Variants in CFAP77 observed in about 807,000 individuals in gnomAD.
CFAP77 encodes cilia- and flagella-associated protein 77.
A neutral mutation model predicts 31.1 loss-of-function variants in CFAP77; 25 were observed. The ratio of observed to expected loss-of-function variants is 0.80; its 90% CI spans 0.59 to 1.12. The LOEUF is 1.12. CFAP77 is among the 50% of genes most tolerant of loss of function. The pLI is 0.00. For synonymous variants in CFAP77, 151 were observed against 159.9 expected (o/e 0.94, Z 0.42); for missense variants, 377 against 397.3 (o/e 0.95, Z 0.44).
intron 1 of CFAP77, among the ~76,000 whole-genome samples, chr9:132,466,123 G>C (rs887128883): frequency 2.0e-5 from 3 of 152,124 alleles, no homozygotes; most frequent in African/African-American, 7.2e-5. Context: ...GTCTTGCTCT[G>C]TTGCCCAGGC....
chr9:132,434,664 C>A (rs868784320), intron 1 of CFAP77, among the ~76,000 whole-genome samples: 8 of 152,082 alleles, frequency 5.3e-5, no homozygotes, highest in African/African-American at 1.9e-4. Context: ...GTGCGTACAA[C>A]TTTGTGTAAT....
intron 5 of CFAP77, among the ~76,000 whole-genome samples, chr9:132,563,784 G>A (rs1423315040): frequency 3.3e-5 from 5 of 152,154 alleles, no homozygotes; most frequent in East Asian, 1.9e-4. Context: ...ACTCCTTCCC[G>A]TTATTACCAA....
chr9:132,428,513 G>C (rs1006546026), intron 1 of CFAP77, among the ~76,000 whole-genome samples: 1 of 152,176 alleles, frequency 6.6e-6, no homozygotes, highest in South Asian at 2.1e-4. Context: ...TACTTGGGAG[G>C]CTGAGACAGG....
chr9:132,535,869 C>CA (rs1215459957), intron 3 of CFAP77, among the ~76,000 whole-genome samples: 1 of 151,882 alleles, frequency 6.6e-6, no homozygotes. Flanking sequence ...TCATAATTAG[C>CA]AAAAAAACCA....
chr9:132,546,272 G>A (rs180867132), intron 5 of CFAP77, among the ~76,000 whole-genome samples: 255 of 152,270 alleles, frequency 1.7e-3, no homozygotes, highest in Admixed American at 2.9e-3. Context: ...CGGGCGGGTG[G>A]CCAGGGCCAC....
At position 132,482,559 on chromosome 9, in the gene CFAP77, G is replaced by A. The variant is rs1482559461; in HGVS notation, c.196-16136G>A. 6 of 675,670 alleles carry A rather than the reference G, an allele frequency of 8.9e-6. No homozygotes were observed. The East Asian group carries it at 1.1e-4, about 12-fold the overall frequency. The allele number at this position is 675,670 out of a possible 1,614,324, so 41.9% of individuals were successfully genotyped here. A position where few individuals can be genotyped will look rare whatever the true frequency, so the allele number is the denominator to read the frequency against. On this transcript the variant is annotated intron_variant, in intron 1 of 5. Transcript: ENST00000393216. ...GGTCTCGTCTAAATGTTGTCATTAC[G>A]CCATGGGGTGGGGACGGTTATTCCC...
At chr9:132,431,188 C>T (rs891135259) in intron 1 of CFAP77, among the ~76,000 whole-genome samples, 1 of 152,328 alleles carries the variant, frequency 6.6e-6, no homozygotes, top group East Asian at 1.9e-4. Context: ...AAATAAATAA[C>T]AGAACTTAGA....
chr9:132,449,410 A>G (rs1261000493), intron 1 of CFAP77, among the ~76,000 whole-genome samples: 1 of 150,188 alleles, frequency 6.7e-6, no homozygotes, highest in African/African-American at 2.4e-5. Context: ...AGAATTTGAT[A>G]TAAATGGAGC....
At chr9:132,520,537 C>T (rs371042305) in intron 3 of CFAP77, among the ~76,000 whole-genome samples, 1 of 152,174 alleles carries the variant, frequency 6.6e-6, no homozygotes, top group East Asian at 1.9e-4. Flanking sequence ...CCCAGCTACT[C>T]AGGAGGCTGA....
chr9:132,559,346 C>CAAAAAGAAAAAAAAAAAAA (rs1852958110), intron 5 of CFAP77, among the ~76,000 whole-genome samples: 1 of 56,082 alleles, frequency 1.8e-5, no homozygotes, highest in Non-Finnish European at 3.2e-5. Flanking sequence ...CTCTGTCTTG[C>CAAAAAGAAAAAAAAAAAAA]AAAAAAAAAA....
At chr9:132,506,488 G>A (rs1044898630) in intron 3 of CFAP77, among the ~76,000 whole-genome samples, 2 of 151,894 alleles carry the variant, frequency 1.3e-5, no homozygotes, top group African/African-American at 4.8e-5. Context: ...AGCAGCTGGC[G>A]CTCCTGGTGG....
intron 1 of CFAP77, among the ~76,000 whole-genome samples, chr9:132,450,174 C>A (rs1850801486): frequency 6.6e-6 from 1 of 151,690 alleles, no homozygotes; most frequent in South Asian, 2.1e-4. Flanking sequence ...TTGTGATCTG[C>A]CCGCCTCGCC....
chr9:132,476,078 T>C (rs1851342349), intron 1 of CFAP77, among the ~76,000 whole-genome samples: 1 of 152,222 alleles, frequency 6.6e-6, no homozygotes, highest in Non-Finnish European at 1.5e-5. Context: ...CTTTCTCGAA[T>C]GCCACCTCTT....
intron 5 of CFAP77, among the ~76,000 whole-genome samples, chr9:132,548,263 G>A (rs1361151835): frequency 2.6e-5 from 3 of 114,742 alleles, no homozygotes. Flanking sequence ...TAGCAGTGGT[G>A]ATCTTTGGGG....
chr9:132,430,964 C>T (rs1850400984), intron 1 of CFAP77, among the ~76,000 whole-genome samples: 2 of 152,166 alleles, frequency 1.3e-5, no homozygotes, highest in Admixed American at 6.5e-5. Context: ...CAGTGCTGCA[C>T]AGCATGTCTA....
intron 5 of CFAP77, among the ~76,000 whole-genome samples, chr9:132,558,019 G>A (rs887681645): frequency 2.6e-5 from 4 of 152,190 alleles, no homozygotes; most frequent in African/African-American, 9.7e-5. Context: ...CAATCGTTGT[G>A]TACTTTTTTC....
Position 132,561,444 on chromosome 9 carries a change from C to T in CFAP77, c.733-10944C>T, listed in dbSNP as rs533412770. 1.9e-4 allele frequency among the ~76,000 whole-genome samples: 29 copies of T among 151,930 alleles called. No individual in the cohort carries two copies. The East Asian group carries it at 4.8e-3, about 25-fold the overall frequency. On this transcript the variant is annotated intron_variant, in intron 5 of 5. Transcript: ENST00000393216. ...GCTTGGTGTTTAGTTAGGGGACCTT[C>T]GTGTGGCCAGTGCGTGGGGAGGGGG...
intron 1 of CFAP77, among the ~76,000 whole-genome samples, chr9:132,489,009 G>A (rs549290630): frequency 6.6e-6 from 1 of 152,302 alleles, no homozygotes; most frequent in South Asian, 2.1e-4. Flanking sequence ...AGGAAACTCG[G>A]AAAAAGGCGG....
At position 132,537,844 on chromosome 9, in the gene CFAP77, C is replaced by A. The variant is rs61740103; in HGVS notation, c.630+138C>A. ...GTGGGAAATCAGGTTGCATCTTCTG[C>A]CCAGCATCAGAGAATCTACAGCTGA... is the stretch of plus-strand genomic sequence containing the variant. On this transcript the variant is annotated intron_variant, in intron 4 of 5. Coordinates refer to ENST00000393216, the MANE Select transcript of CFAP77 (RefSeq NM_001282957.2). 4,049 of 655,936 alleles carry A rather than the reference C, an allele frequency of 6.2e-3. 131 individuals carry two copies. The African/African-American group carries it at 0.065, about 11-fold the overall frequency. 40.6% of individuals were successfully genotyped at this position (655,936 alleles called of 1,614,324 possible).
Sources: gnomAD v4.1 joint callset for allele counts (sites outside exome capture counted in the v4.1 genomes callset) on GRCh38, gnomAD v4.1.1 for gene constraint, MANE v1.5 for transcripts, NCBI Gene and HGNC (gene_info 2026-07-23, HGNC 2026-07-21) for gene names.